The following ITGAM variants were observed in gnomAD, a reference collection of about 807,000 sequenced individuals.
The protein encoded by ITGAM is integrin alpha-M.
In ITGAM, 79 loss-of-function variants were observed where a neutral mutation model predicts 137.5. The observed-to-expected ratio is 0.57, with a 90% CI of 0.48 to 0.69. The LOEUF (loss-of-function observed/expected upper bound fraction) is 0.69, where lower values mean the gene tolerates loss of function less well. Among genes scored for constraint, ITGAM ranks in the 30% least tolerant of loss-of-function variants. ITGAM has a pLI of 0.00. For synonymous variants in ITGAM, 583 were observed against 592.3 expected (o/e 0.98, Z 0.23); for missense variants, 1,343 against 1,483.5 (o/e 0.91, Z 1.56).
chr16:31,297,710 C>T lies in ITGAM; in HGVS notation c.1498-35C>T, dbSNP rs1457314855. 3.1e-6 allele frequency: 5 copies of T among 1,597,858 alleles called. No homozygotes were observed. In the African/African-American group the frequency reaches 4.1e-5, roughly 13 times the overall value. ...GGCCCGGTGTGGGTGGAGGGGTCGC[C>T]TGGGTTGGGGCCTGATACTGTTTGT... On this transcript the variant is annotated intron_variant, in intron 13 of 29. Coordinates refer to ENST00000544665, the MANE Select transcript of ITGAM (RefSeq NM_000632.4).
At chr16:31,304,137 CT>C (rs2080242924) in intron 14 of ITGAM, among the ~76,000 whole-genome samples, 1 of 151,962 alleles carries the variant, frequency 6.6e-6, no homozygotes, top group South Asian at 2.1e-4. Context: ...TGTTTTTTGA[CT>C]TTTTAGTTAT....
intron 12 of ITGAM, among the ~76,000 whole-genome samples, chr16:31,285,530 G>A (rs1056650639): frequency 4.6e-5 from 7 of 152,018 alleles, no homozygotes; most frequent in Non-Finnish European, 8.8e-5. Flanking sequence ...CCAGCTACTC[G>A]GGAGGCTGAG....
chr16:31,266,923 A>G (rs1173374633), intron 5 of ITGAM, among the ~76,000 whole-genome samples: 1 of 149,870 alleles, frequency 6.7e-6, no homozygotes, highest in African/African-American at 2.4e-5. Context: ...GCTGGAGTGC[A>G]GTGGCACGAT....
chr16:31,330,748 GGA>G (rs1173842309), intron 28 of ITGAM, 143 bp downstream of exon 28: 2 of 639,436 alleles, frequency 3.1e-6, no homozygotes, highest in Admixed American at 2.9e-5. Context: ...AGAGACGTAA[GGA>G]GAGAGACAGA....
intron 14 of ITGAM, among the ~76,000 whole-genome samples, chr16:31,304,960 A>T (rs956008724): frequency 6.6e-6 from 1 of 151,918 alleles, no homozygotes; most frequent in Admixed American, 6.6e-5. Flanking sequence ...TTTTTGTTCC[A>T]TATGAGTTTT....
intron 23 of ITGAM, 140 bp from the exon 24 acceptor site, chr16:31,329,088 C>T: frequency 1.7e-6 from 1 of 582,542 alleles, no homozygotes; most frequent in Non-Finnish European, 3.1e-6. Flanking sequence ...CATCCCCCTG[C>T]ACCCCACCCC....
intron 14 of ITGAM, among the ~76,000 whole-genome samples, chr16:31,308,364 T>C (rs1597020538): frequency 6.6e-6 from 1 of 152,196 alleles, no homozygotes; most frequent in Non-Finnish European, 1.5e-5. Context: ...AGCTTCTTCC[T>C]GGTTTAGTCT....
At chr16:31,331,046 G>T in intron 28 of ITGAM, 119 bp from the exon 29 acceptor site, 1 of 622,686 alleles carries the variant, frequency 1.6e-6, no homozygotes. Context: ...ACTGAGGGCT[G>T]GGGTTCTGGG....
intron 12 of ITGAM, among the ~76,000 whole-genome samples, chr16:31,289,885 C>G (rs1376295840): frequency 6.6e-6 from 1 of 152,004 alleles, no homozygotes; most frequent in African/African-American, 2.4e-5. Flanking sequence ...AGTTTGAGAT[C>G]AGCCTGACCA....
Position 31,329,918 on chromosome 16 carries a change from C to G in ITGAM, c.2976+13C>G, listed in dbSNP as rs779407834. On this transcript the variant is annotated intron_variant, in intron 25 of 29. Transcript: ENST00000544665. ...CACCTTCTCCGAGGTGAGCGGAGCT[C>G]GGCCTGACTCCTGCACGGCCCTGCG... 3.9e-6 allele frequency: 6 copies of G among 1,554,262 alleles called. No individual in the cohort carries two copies. The highest frequency in any genetic ancestry group is 1.4e-5 in the African/African-American group (1 of 73,272).
intron 23 of ITGAM, 122 bp from the exon 24 acceptor site, chr16:31,329,106 C>T (rs2080547227): frequency 3.6e-6 from 2 of 548,430 alleles, no homozygotes; most frequent in Non-Finnish European, 3.4e-6. Flanking sequence ...CCCATCTCCA[C>T]CCCCCAGGAC....
chr16:31,265,536 C>A, intron 3 of ITGAM, 38 bp downstream of exon 3: 1 of 1,375,678 alleles, frequency 7.3e-7, no homozygotes, highest in East Asian at 2.4e-5. Context: ...CTGGGATTCC[C>A]CTGTGAACAC....
chr16:31,277,369 T>C (rs2079919463), intron 11 of ITGAM, among the ~76,000 whole-genome samples: 1 of 151,756 alleles, frequency 6.6e-6, no homozygotes, highest in African/African-American at 2.4e-5. Flanking sequence ...ATTTTTTTTT[T>C]TTTTTCGAAA....
rs183360484 is a variant in ITGAM at position 31,281,832 on chromosome 16, T to C, written c.1356+3723T>C. ...ATTTTAAGGTGTCAATTTTAGATCT[T>C]TCCTGCTTTCTCTTGTGGGCATTTA... On this transcript the variant is annotated intron_variant, in intron 12 of 29. Coordinates refer to ENST00000544665, the MANE Select transcript of ITGAM (RefSeq NM_000632.4). Among the ~76,000 whole-genome samples the C allele has an allele frequency of 2.0e-4, 30 of 152,372 alleles. No homozygotes were observed. In the East Asian group the frequency reaches 5.0e-3, roughly 25 times the overall value.
chr16:31,318,729 T>C (rs1278526832), intron 14 of ITGAM, among the ~76,000 whole-genome samples: 9 of 152,208 alleles, frequency 5.9e-5, no homozygotes, highest in Admixed American at 5.9e-4. Context: ...TTTTCTGTAA[T>C]CTTTATTATT....
At chr16:31,279,259 G>A (rs1251653329) in intron 12 of ITGAM, among the ~76,000 whole-genome samples, 12 of 152,168 alleles carry the variant, frequency 7.9e-5, no homozygotes, top group Admixed American at 7.9e-4. Context: ...ACCCAGTAAT[G>A]GGATGGCTGG....
At chr16:31,331,400 G>C in intron 29 of ITGAM, 125 bp downstream of exon 29, 1 of 704,344 alleles carries the variant, frequency 1.4e-6, no homozygotes. Context: ...GAGCCTCTCT[G>C]CGCCTCAGTC....
chr16:31,266,855 T>C (rs1413754535), intron 5 of ITGAM, among the ~76,000 whole-genome samples: 2 of 150,042 alleles, frequency 1.3e-5, no homozygotes, highest in Non-Finnish European at 3.0e-5. Flanking sequence ...TCTGAGTGAC[T>C]GTATGGATTT....
chr16:31,277,032 T>G lies in ITGAM; in HGVS notation c.1196T>G (p.Met399Arg). The stretch of plus-strand genomic sequence containing the variant: ...AACATGACCAGAGTGGATTCAGACA[T>G]GAATGATGCTTACTTGGGTAAGTGG... ...FINMTRVDSD[M>R]NDAYLGYAAA... Residue 399 changes from methionine (M) to arginine (R), a missense_variant, in exon 11 of 30, where the codon ATG (methionine) becomes AGG (arginine). Transcript: ENST00000544665. 6.2e-7 allele frequency: 1 copy of G among 1,611,788 alleles called. No homozygotes were observed. Among genetic ancestry groups the G allele is most frequent in the Non-Finnish European group, 8.5e-7 (1 of 1,178,882 alleles).
Sources: allele counts gnomAD v4.1 joint callset (sites outside exome capture counted in the v4.1 genomes callset), GRCh38; gene constraint gnomAD v4.1.1; transcripts MANE v1.5; gene names NCBI Gene and HGNC (gene_info 2026-07-23, HGNC 2026-07-21).